The following CDH18 variants were observed in gnomAD, a reference collection of about 807,000 sequenced individuals.
CDH18 encodes cadherin-18.
CDH18 carries 31 observed loss-of-function variants against 67.9 expected under a neutral mutation model. The ratio of observed to expected loss-of-function variants is 0.46; its 90% CI spans 0.34 to 0.62. The LOEUF (loss-of-function observed/expected upper bound fraction) is 0.62, where lower values mean the gene tolerates loss of function less well. CDH18 is among the 20% of genes least tolerant of loss of function. CDH18 has a pLI of 0.01. For synonymous variants in CDH18, 362 were observed against 347.2 expected, an observed-to-expected ratio of 1.04 and a Z score of -0.48; for missense variants, 890 against 975.5, an observed-to-expected ratio of 0.91 and a Z score of 1.17.
chr5:19,478,274 G>A (rs570790890), intron 12 of CDH18, among the ~76,000 whole-genome samples: 1 of 152,140 alleles, frequency 6.6e-6, no homozygotes, highest in East Asian at 1.9e-4. Context: ...AGCTTGCATA[G>A]CAGAATTTTT....
chr5:20,148,749 A>G (rs1750866408), intron 2 of CDH18, among the ~76,000 whole-genome samples: 1 of 152,174 alleles, frequency 6.6e-6, no homozygotes, highest in East Asian at 1.9e-4. Context: ...AGGTAAGTGA[A>G]TAGGTCAGTG....
chr5:19,510,051 G>A (rs992750586), intron 10 of CDH18, among the ~76,000 whole-genome samples: 21 of 152,072 alleles, frequency 1.4e-4, no homozygotes, highest in African/African-American at 5.1e-4. Context: ...ACGTTTAGAT[G>A]TGCAGCATTC....
At chr5:19,605,484 T>G (rs1190378750) in intron 6 of CDH18, among the ~76,000 whole-genome samples, 1 of 152,012 alleles carries the variant, frequency 6.6e-6, no homozygotes, top group Non-Finnish European at 1.5e-5. Context: ...TCCTTTCAAT[T>G]TAGCCACATA....
chr5:20,455,819 G>A (rs1314334870), intron 1 of CDH18, among the ~76,000 whole-genome samples: 2 of 151,906 alleles, frequency 1.3e-5, no homozygotes, highest in African/African-American at 2.4e-5. Context: ...TGAATTATCT[G>A]TTCTACACAG....
chr5:19,504,972 A>C (rs542242160), intron 10 of CDH18, among the ~76,000 whole-genome samples: 5 of 152,190 alleles, frequency 3.3e-5, no homozygotes, highest in Non-Finnish European at 5.9e-5. Flanking sequence ...TATTTTAATT[A>C]TTTCTTAATA....
At position 19,698,619 on chromosome 5, in the gene CDH18, TA is replaced by T. The variant is rs568119539; in HGVS notation, c.643+22727del. 3.2e-4 allele frequency among the ~76,000 whole-genome samples: 49 copies of T among 152,048 alleles called. No individual in the cohort carries two copies. In the East Asian group the frequency reaches 9.1e-3, roughly 28 times the overall value. On this transcript the variant is annotated intron_variant, in intron 5 of 12. Coordinates refer to ENST00000382275, the MANE Select transcript of CDH18 (RefSeq NM_004934.5). ...TGTTGTAAAATAGGAATCAATGTAA[TA>T]AAAAATATAAATAGGCATGATTTCT...
At chr5:19,689,321 C>T (rs576799678) in intron 5 of CDH18, among the ~76,000 whole-genome samples, 49 of 152,030 alleles carry the variant, frequency 3.2e-4, no homozygotes, top group African/African-American at 1.2e-3. Flanking sequence ...CAGATTGGCA[C>T]TGGATTTCTC....
chr5:19,745,378 T>C (rs893996748), intron 4 of CDH18, among the ~76,000 whole-genome samples: 1 of 152,168 alleles, frequency 6.6e-6, no homozygotes, highest in African/African-American at 2.4e-5. Context: ...GCTCTGCCTG[T>C]TTTTCTCTCT....
intron 1 of CDH18, among the ~76,000 whole-genome samples, chr5:20,332,670 A>C (rs967876008): frequency 6.6e-6 from 1 of 152,266 alleles, no homozygotes; most frequent in Admixed American, 6.5e-5. Context: ...ATGTCATTAA[A>C]TTCCTAGATT....
intron 2 of CDH18, among the ~76,000 whole-genome samples, chr5:19,886,804 C>T (rs941575889): frequency 3.3e-5 from 5 of 152,108 alleles, no homozygotes; most frequent in Non-Finnish European, 4.4e-5. Flanking sequence ...CAAAGGTAAC[C>T]TACCTCTGCT....
At chr5:20,187,969 A>G (rs1005015471) in intron 2 of CDH18, among the ~76,000 whole-genome samples, 9 of 151,872 alleles carry the variant, frequency 5.9e-5, no homozygotes, top group African/African-American at 1.7e-4. Flanking sequence ...TTGCCAACTG[A>G]ATAAAGAAGA....
At chr5:20,201,453 G>T (rs1171636388) in intron 2 of CDH18, among the ~76,000 whole-genome samples, 2 of 151,984 alleles carry the variant, frequency 1.3e-5, no homozygotes, top group Non-Finnish European at 2.9e-5. Context: ...AAATAGGATT[G>T]CAATATGAGC....
At position 20,259,758 on chromosome 5, in the gene CDH18, C is replaced by T. The variant is rs534946880; in HGVS notation, c.-579-4253G>A. On this transcript the variant is annotated intron_variant, in intron 1 of 14. Coordinates refer to the CDH18 transcript ENST00000507958. ...TTCAGCTGCACAGAGGATTAGTCCCCCTAGCCCCTGTGTTGTTCAAGAGTC... is the reference window on the plus strand; with the variant it reads ...TTCAGCTGCACAGAGGATTAGTCCCTCTAGCCCCTGTGTTGTTCAAGAGTC... 8.2e-4 allele frequency among the ~76,000 whole-genome samples: 125 copies of T among 152,082 alleles called. 1 individual carries two copies. The highest frequency in any genetic ancestry group is 1.2e-3 in the Non-Finnish European group (84 of 68,016).
intron 1 of CDH18, among the ~76,000 whole-genome samples, chr5:20,473,752 G>C (rs191649192): frequency 1.3e-3 from 194 of 152,076 alleles, no homozygotes; most frequent in African/African-American, 4.4e-3. Context: ...CAAAAACTAG[G>C]TATTATTCTT....
chr5:19,970,695 T>C (rs1797937502), intron 2 of CDH18, among the ~76,000 whole-genome samples: 1 of 151,562 alleles, frequency 6.6e-6, no homozygotes, highest in African/African-American at 2.4e-5. Context: ...GTTCATAAGA[T>C]TTTTTGAAAA....
At chr5:20,250,819 T>C (rs901321653) in intron 2 of CDH18, among the ~76,000 whole-genome samples, 1 of 151,820 alleles carries the variant, frequency 6.6e-6, no homozygotes. Flanking sequence ...TTGACCAGGC[T>C]GGCCTCCACC....
intron 1 of CDH18, among the ~76,000 whole-genome samples, chr5:20,444,361 G>T (rs1749846674): frequency 6.6e-6 from 1 of 152,136 alleles, no homozygotes; most frequent in Non-Finnish European, 1.5e-5. Flanking sequence ...ATGTGCTATT[G>T]CTTGTCTGTT....
chr5:20,086,745 A>G (rs1352731104), intron 2 of CDH18, among the ~76,000 whole-genome samples: 2 of 152,196 alleles, frequency 1.3e-5, no homozygotes, highest in Admixed American at 6.5e-5. Context: ...CACTGTTGAG[A>G]CCTACTGCTC....
At chr5:20,162,555 C>T (rs1226968200) in intron 2 of CDH18, among the ~76,000 whole-genome samples, 2 of 148,400 alleles carry the variant, frequency 1.3e-5, no homozygotes, top group African/African-American at 4.9e-5. Context: ...TTCTGTGTTG[C>T]CTCTCATAGT....
Sources: allele counts gnomAD v4.1 joint callset (sites outside exome capture counted in the v4.1 genomes callset), GRCh38; gene constraint gnomAD v4.1.1; transcripts MANE v1.5; gene names NCBI Gene and HGNC (gene_info 2026-07-23, HGNC 2026-07-21).